The following AK5 variants were observed in gnomAD, a reference collection of about 807,000 sequenced individuals.
AK5 encodes the protein adenylate kinase isoenzyme 5.
Under a neutral mutation model 69.5 loss-of-function variants are expected in AK5, and 27 were observed. The ratio of observed to expected loss-of-function variants is 0.39; its 90% CI spans 0.29 to 0.54. The LOEUF is 0.54. AK5 is among the 20% of genes least tolerant of loss of function. The pLI is 0.71. For synonymous variants in AK5, 260 were observed against 244.4 expected, an observed-to-expected ratio of 1.06 and a Z score of -0.60; for missense variants, 531 against 700.4, an observed-to-expected ratio of 0.76 and a Z score of 2.73.
chr1:77,407,373 A>G (rs1649728981), intron 6 of AK5, among the ~76,000 whole-genome samples: 3 of 152,222 alleles, frequency 2.0e-5, no homozygotes, highest in Non-Finnish European at 4.4e-5. Context: ...TCAGAATAAT[A>G]GTACTGAGTG....
At chr1:77,368,754 A>G (rs1647066107) in intron 6 of AK5, among the ~76,000 whole-genome samples, 1 of 152,124 alleles carries the variant, frequency 6.6e-6, no homozygotes, top group Admixed American at 6.6e-5. Flanking sequence ...GGAATTTTCC[A>G]CTTGTGGCAT....
intron 5 of AK5, among the ~76,000 whole-genome samples, chr1:77,304,944 A>G (rs915403833): frequency 8.5e-5 from 13 of 152,204 alleles, no homozygotes; most frequent in African/African-American, 3.1e-4. Context: ...GACTATTTAC[A>G]TTCCCATAAA....
chr1:77,531,938 G>C (rs558266061), intron 12 of AK5, among the ~76,000 whole-genome samples: 2 of 151,202 alleles, frequency 1.3e-5, no homozygotes, highest in African/African-American at 4.8e-5. Flanking sequence ...GCGAGAAATC[G>C]AGCACAGCAG....
chr1:77,327,944 T>C (rs1248903213), intron 5 of AK5, among the ~76,000 whole-genome samples: 1 of 152,126 alleles, frequency 6.6e-6, no homozygotes, highest in African/African-American at 2.4e-5. Context: ...ATAAAATATA[T>C]TACTCCCATG....
chr1:77,358,587 GA>G (rs1210300565), intron 6 of AK5, among the ~76,000 whole-genome samples: 2 of 152,064 alleles, frequency 1.3e-5, no homozygotes, highest in Admixed American at 1.3e-4. Context: ...GCCAAAACAT[GA>G]AAACATTAAG....
At chr1:77,417,009 C>G (rs976670832) in intron 7 of AK5, among the ~76,000 whole-genome samples, 8 of 152,086 alleles carry the variant, frequency 5.3e-5, no homozygotes, top group African/African-American at 1.9e-4. Context: ...TAATGGGTAA[C>G]TGATTTAATG....
chr1:77,375,741 G>A (rs1220671025), intron 6 of AK5, among the ~76,000 whole-genome samples: 1 of 152,138 alleles, frequency 6.6e-6, no homozygotes, highest in Non-Finnish European at 1.5e-5. Context: ...GCTCTTTAGA[G>A]ACGCTGTGAT....
intron 5 of AK5, among the ~76,000 whole-genome samples, chr1:77,338,125 C>T (rs576459072): frequency 2.4e-4 from 37 of 152,168 alleles, no homozygotes; most frequent in South Asian, 4.2e-4. Flanking sequence ...CCATCGCACC[C>T]GGCTATTTTT....
chr1:77,373,030 T>A (rs1041446017), intron 6 of AK5, among the ~76,000 whole-genome samples: 5 of 152,212 alleles, frequency 3.3e-5, no homozygotes, highest in African/African-American at 1.2e-4. Flanking sequence ...TTTCTTTATG[T>A]CCACACTTTT....
chr1:77,527,509 T>C (rs1658354983), intron 12 of AK5, among the ~76,000 whole-genome samples: 1 of 152,226 alleles, frequency 6.6e-6, no homozygotes, highest in Non-Finnish European at 1.5e-5. Context: ...ACTGGACAGT[T>C]ACACTCAATG....
intron 13 of AK5, among the ~76,000 whole-genome samples, chr1:77,556,356 A>G (rs1022145597): frequency 4.6e-5 from 7 of 152,214 alleles, no homozygotes; most frequent in Non-Finnish European, 7.3e-5. Context: ...CCTAACCAAT[A>G]TAGCTTTGTT....
intron 13 of AK5, among the ~76,000 whole-genome samples, chr1:77,555,756 C>G (rs1660066004): frequency 6.6e-6 from 1 of 152,270 alleles, no homozygotes; most frequent in East Asian, 1.9e-4. Context: ...AGCTCCTGTG[C>G]TTATCTCCTA....
chr1:77,408,074 A>G (rs1404879489), intron 6 of AK5, among the ~76,000 whole-genome samples: 2 of 152,154 alleles, frequency 1.3e-5, no homozygotes, highest in South Asian at 4.1e-4. Context: ...GCTATTGTGA[A>G]TAGTGCTGTA....
intron 5 of AK5, among the ~76,000 whole-genome samples, chr1:77,333,447 A>T (rs1236532881): frequency 6.6e-6 from 1 of 152,118 alleles, no homozygotes; most frequent in Non-Finnish European, 1.5e-5. Flanking sequence ...GTTTAAATCC[A>T]GTATTTTACA....
Position 77,475,167 on chromosome 1 carries a change from G to GTATA in AK5, c.1060-8124_1060-8121dup, listed in dbSNP as rs35137146. On this transcript the variant is annotated intron_variant, in intron 8 of 13. Coordinates refer to ENST00000354567, the MANE Select transcript of AK5 (RefSeq NM_174858.3). ...TTGCTAGGAGTATGTGTGTGTGCATGTATATATATATATATATATATATAT... is the reference window on the plus strand; with the variant it reads ...TTGCTAGGAGTATGTGTGTGTGCATGTATATATATATATATATATATATATATAT... Among the ~76,000 whole-genome samples, 55 of 89,924 alleles carry GTATA rather than the reference G, an allele frequency of 6.1e-4. 1 individual carries two copies. In the South Asian group the frequency reaches 9.4e-3, roughly 15 times the overall value. The allele number at this position is 89,924 out of a possible 152,430, so 59.0% of individuals were successfully genotyped here. A position where few individuals can be genotyped will look rare whatever the true frequency, so the allele number is the denominator to read the frequency against.
intron 12 of AK5, among the ~76,000 whole-genome samples, chr1:77,526,520 G>A (rs1325543884): frequency 1.5e-5 from 2 of 130,870 alleles, no homozygotes; most frequent in Non-Finnish European, 3.1e-5. Context: ...CTGTCGCCCA[G>A]GCTGGAGTGC....
intron 8 of AK5, among the ~76,000 whole-genome samples, chr1:77,453,943 G>T (rs928842371): frequency 6.6e-6 from 1 of 152,158 alleles, no homozygotes; most frequent in Admixed American, 6.5e-5. Context: ...CTCAGTCATT[G>T]TACGGGGAGC....
chr1:77,298,564 A>G (rs1721168), intron 5 of AK5, among the ~76,000 whole-genome samples: 133,940 of 151,362 alleles, frequency 0.88, 59,618 homozygotes, highest in Middle Eastern at 0.97. Context: ...AACACTTCGG[A>G]AGGCTGAGGC....
Position 77,399,495 on chromosome 1 carries a change from T to C in AK5, c.892-11486T>C, listed in dbSNP as rs142510070. ...TCTGGGAAAGGAGTCTGGAATGCTT[T>C]CTCTCAGTCAAAGGGGATAGGGGGC... On this transcript the variant is annotated intron_variant, in intron 6 of 13. Transcript: ENST00000354567. Among the ~76,000 whole-genome samples the C allele has an allele frequency of 2.0e-3, 300 of 152,250 alleles. 2 individuals are homozygous for C. The highest frequency in any genetic ancestry group is 6.7e-3 in the African/African-American group (278 of 41,552).
Sources: gnomAD v4.1 joint callset for allele counts (sites outside exome capture counted in the v4.1 genomes callset) on GRCh38, gnomAD v4.1.1 for gene constraint, MANE v1.5 for transcripts, NCBI Gene and HGNC (gene_info 2026-07-23, HGNC 2026-07-21) for gene names.